Variants in FAM171B observed in about 807,000 individuals in gnomAD.
The protein encoded by FAM171B is family with sequence similarity 171 member B.
A neutral mutation model predicts 75.6 loss-of-function variants in FAM171B; 19 were observed. That is an observed-to-expected ratio of 0.25 (90% CI 0.18 to 0.37). The LOEUF (loss-of-function observed/expected upper bound fraction) is 0.37. FAM171B is among the 10% of genes least tolerant of loss of function. The pLI is 1.00. For synonymous variants in FAM171B, 367 were observed against 361.7 expected, an observed-to-expected ratio of 1.01 and a Z score of -0.17; for missense variants, 848 against 982.4, an observed-to-expected ratio of 0.86 and a Z score of 1.83.
chr2:186,759,540 C>CG (rs1256449477), intron 6 of FAM171B, among the ~76,000 whole-genome samples: 3 of 152,042 alleles, frequency 2.0e-5, no homozygotes, highest in Non-Finnish European at 4.4e-5. Context: ...GTCATGTGAA[C>CG]GGGGATAAGA....
At position 186,740,216 on chromosome 2, in the gene FAM171B, T is replaced by C. The variant is rs948683751; in HGVS notation, c.239-12T>C. 6.2e-7 allele frequency: 1 copy of C among 1,603,498 alleles called. No homozygotes were observed. Among genetic ancestry groups the C allele is most frequent in the Non-Finnish European group, 8.5e-7 (1 of 1,170,864 alleles). On this transcript the variant is annotated splice_polypyrimidine_tract_variant and intron_variant, in intron 1 of 7. Coordinates refer to ENST00000304698, the MANE Select transcript of FAM171B (RefSeq NM_177454.4). ...ATACGACATGCTGCAATTTCTACCTTTTTCTCTCCAGTGTCTGTATTTATG... is the reference window on the plus strand; with the variant it reads ...ATACGACATGCTGCAATTTCTACCTCTTTCTCTCCAGTGTCTGTATTTATG...
At chr2:186,724,125 T>C (rs1465977609) in intron 1 of FAM171B, among the ~76,000 whole-genome samples, 1 of 152,146 alleles carries the variant, frequency 6.6e-6, no homozygotes, top group Non-Finnish European at 1.5e-5. Flanking sequence ...CACAGCAAGT[T>C]TGGTTGCTCT....
Position 186,751,156 on chromosome 2 carries a change from T to C in FAM171B, c.747T>C (p.Thr249=), listed in dbSNP as rs1387692431. ...TAGGTTTTGAAAACATTGAATTGACTCCTCTTGCTGCAATATGTGTGAAAA... is the reference window on the plus strand; with the variant it reads ...TAGGTTTTGAAAACATTGAATTGACCCCTCTTGCTGCAATATGTGTGAAAA... ...NKPGFENIEL[T]PLAAICVKIY... The change falls in exon 5 of 8, where the codon ACT becomes ACC. Residue 249 remains threonine, a synonymous_variant. Transcript: ENST00000304698. 1 of 1,605,124 alleles carries C rather than the reference T, an allele frequency of 6.2e-7. No homozygotes were observed. The highest frequency in any genetic ancestry group is 8.5e-7 in the Non-Finnish European group (1 of 1,174,336).
At chr2:186,706,621 G>T (rs891329090) in intron 1 of FAM171B, among the ~76,000 whole-genome samples, 23 of 152,318 alleles carry the variant, frequency 1.5e-4, no homozygotes, top group African/African-American at 5.5e-4. Context: ...TAGAGAACAA[G>T]CTAGGGCATA....
chr2:186,708,571 T>G (rs952928074), intron 1 of FAM171B, among the ~76,000 whole-genome samples: 7 of 152,206 alleles, frequency 4.6e-5, no homozygotes, highest in Non-Finnish European at 7.3e-5. Context: ...TAATTTGGCC[T>G]GAGTTTCCCA....
chr2:186,735,479 C>T (rs1428774452), intron 1 of FAM171B, among the ~76,000 whole-genome samples: 1 of 150,776 alleles, frequency 6.6e-6, no homozygotes, highest in Non-Finnish European at 1.5e-5. Context: ...AGAAGAATGG[C>T]TGGCAATCTA....
chr2:186,713,345 C>CT (rs778475970), intron 1 of FAM171B, among the ~76,000 whole-genome samples: 10 of 152,358 alleles, frequency 6.6e-5, no homozygotes, highest in South Asian at 4.1e-4. Context: ...TCTTCCCCTT[C>CT]TGGGGGGTGA....
At chr2:186,734,197 A>T (rs1370673503) in intron 1 of FAM171B, among the ~76,000 whole-genome samples, 1 of 152,168 alleles carries the variant, frequency 6.6e-6, no homozygotes, top group East Asian at 1.9e-4. Flanking sequence ...TCCTTCCCAC[A>T]AGCAGGTCAT....
intron 1 of FAM171B, among the ~76,000 whole-genome samples, chr2:186,728,591 T>A (rs74857469): frequency 1.3e-5 from 2 of 152,246 alleles, no homozygotes; most frequent in African/African-American, 2.4e-5. Context: ...TCAATAAAAA[T>A]TTTGAATTTA....
At position 186,747,129 on chromosome 2, in the gene FAM171B, C is replaced by T. The variant is rs1690375769; in HGVS notation, c.603C>T (p.Ala201=). 2.5e-6 allele frequency: 4 copies of T among 1,602,980 alleles called. No homozygotes were observed. Among genetic ancestry groups the T allele is most frequent in the African/African-American group, 1.3e-5 (1 of 74,494 alleles). ...KSQPSVQFSK[A]LIKLPDNHHI... ...AACCAAGTGTTCAGTTTTCAAAAGC[C>T]TTAATTAAACTTCCTGACAACCATC... The change falls in exon 4 of 8, where the codon GCC becomes GCT. Residue 201 remains alanine, a synonymous_variant. Transcript: ENST00000304698.
chr2:186,759,325 G>T (rs1690581377), intron 6 of FAM171B, among the ~76,000 whole-genome samples: 1 of 152,088 alleles, frequency 6.6e-6, no homozygotes, highest in Non-Finnish European at 1.5e-5. Context: ...CGACTGAGCT[G>T]GTCTCAGCAA....
Position 186,722,948 on chromosome 2 carries a change from G to A in FAM171B, c.239-17280G>A, listed in dbSNP as rs114843214. Among the ~76,000 whole-genome samples, 1,433 of 152,072 alleles carry A rather than the reference G, an allele frequency of 9.4e-3. 13 individuals carry two copies. The highest frequency in any genetic ancestry group is 0.015 in the Non-Finnish European group (1,007 of 67,966). On this transcript the variant is annotated intron_variant, in intron 1 of 7. Coordinates refer to ENST00000304698, the MANE Select transcript of FAM171B (RefSeq NM_177454.4). ...AACTTTGGGGGAATATTTTTTTGTG[G>A]GCATTTTCAGTTTTGGACGATAAAT...
chr2:186,707,017 C>T (rs887587256), intron 1 of FAM171B, among the ~76,000 whole-genome samples: 2 of 152,098 alleles, frequency 1.3e-5, no homozygotes, highest in African/African-American at 2.4e-5. Context: ...TCTTCTCAGC[C>T]TCCTCTCCCC....
intron 1 of FAM171B, among the ~76,000 whole-genome samples, chr2:186,727,241 T>C (rs920639532): frequency 6.6e-6 from 1 of 152,170 alleles, no homozygotes; most frequent in Non-Finnish European, 1.5e-5. Context: ...GTATCATTAA[T>C]CTGGTCAGTA....
At chr2:186,716,170 A>T (rs188536675) in intron 1 of FAM171B, among the ~76,000 whole-genome samples, 1 of 152,168 alleles carries the variant, frequency 6.6e-6, no homozygotes, top group African/African-American at 2.4e-5. Flanking sequence ...GCACCACCAC[A>T]CCCAGCTGAT....
At chr2:186,697,005 C>CGGATGGATGGATGGAT (rs1209065137) in intron 1 of FAM171B, among the ~76,000 whole-genome samples, 1 of 70,706 alleles carries the variant, frequency 1.4e-5, no homozygotes, top group African/African-American at 7.2e-5. Flanking sequence ...AATGGATGGA[C>CGGATGGATGGATGGAT]GGATGGATGG....
chr2:186,708,601 T>A (rs113280589), intron 1 of FAM171B, among the ~76,000 whole-genome samples: 1 of 152,312 alleles, frequency 6.6e-6, no homozygotes, highest in Non-Finnish European at 1.5e-5. Context: ...ACACTTAAAG[T>A]GAGTCTAGAA....
chr2:186,729,807 A>G (rs1245397061), intron 1 of FAM171B, among the ~76,000 whole-genome samples: 1 of 152,164 alleles, frequency 6.6e-6, no homozygotes, highest in Non-Finnish European at 1.5e-5. Context: ...GTTGTGAGAA[A>G]ATAAGTTAGT....
chr2:186,733,395 C>T (rs1204545015), intron 1 of FAM171B, among the ~76,000 whole-genome samples: 1 of 152,194 alleles, frequency 6.6e-6, no homozygotes, highest in East Asian at 1.9e-4. Context: ...TTATTTATTA[C>T]TCAAATCAGT....
Sources: allele counts gnomAD v4.1 joint callset (sites outside exome capture counted in the v4.1 genomes callset), GRCh38; gene constraint gnomAD v4.1.1; transcripts MANE v1.5; gene names NCBI Gene and HGNC (gene_info 2026-07-23, HGNC 2026-07-21).